Variants in MEAF6 observed in about 807,000 individuals in gnomAD.
MEAF6 encodes the protein MYST/Esa1 associated factor 6.
In MEAF6, 15 loss-of-function variants were observed where a neutral mutation model predicts 28.9. The ratio of observed to expected loss-of-function variants is 0.52; its 90% CI spans 0.35 to 0.80. The LOEUF (loss-of-function observed/expected upper bound fraction) is 0.80. MEAF6 is among the 30% of genes least tolerant of loss of function. MEAF6 has a pLI of 0.01. For missense variants in MEAF6, 178 were observed against 237.5 expected, an observed-to-expected ratio of 0.75 and a Z score of 1.65; for synonymous variants, 97 against 88.7, an observed-to-expected ratio of 1.09 and a Z score of -0.53.
intron 4 of MEAF6, among the ~76,000 whole-genome samples, chr1:37,505,704 T>C (rs1642459238): frequency 6.6e-6 from 1 of 152,218 alleles, no homozygotes; most frequent in South Asian, 2.1e-4. Context: ...TACACAAAGC[T>C]GCAGTAATCA....
intron 5 of MEAF6, among the ~76,000 whole-genome samples, chr1:37,496,967 T>C (rs1642145718): frequency 6.6e-6 from 1 of 152,194 alleles, no homozygotes. Flanking sequence ...GTTATTTCAT[T>C]AGAAAACTCA....
intron 4 of MEAF6, among the ~76,000 whole-genome samples, chr1:37,506,159 T>C (rs1642475392): frequency 6.6e-6 from 1 of 152,002 alleles, no homozygotes; most frequent in Non-Finnish European, 1.5e-5. Flanking sequence ...TCGTCCCAGC[T>C]ACTCGAGAGG....
chr1:37,504,536 C>T (rs1302387365), intron 4 of MEAF6, among the ~76,000 whole-genome samples: 2 of 151,944 alleles, frequency 1.3e-5, no homozygotes, highest in South Asian at 4.2e-4. Context: ...TCTGGAAAGC[C>T]GACACAAGTG....
At chr1:37,495,704 C>CAAAAAAAAAAAAAAAAAAAAAAAA (rs1217893546) in intron 6 of MEAF6, among the ~76,000 whole-genome samples, 181 bp downstream of exon 6, 1 of 64,494 alleles carries the variant, frequency 1.6e-5, no homozygotes, top group Non-Finnish European at 3.3e-5. Context: ...AAACAAAAAA[C>CAAAAAAAAAAAAAAAAAAAAAAAA]AAAAAAAAAA....
Position 37,509,550 on chromosome 1 carries a change from A to T in MEAF6, c.207-8T>A, listed in dbSNP as rs779920952. The T allele has an allele frequency of 6.2e-7, 1 of 1,611,208 alleles. No homozygotes were observed. The highest frequency in any genetic ancestry group is 8.5e-7 in the Non-Finnish European group (1 of 1,177,976). ...TTTTTGCTATTGGAGTTTCTAAAAC[A>T]CAGAAGAAACTCATTATGAGCACCA... On this transcript the variant is annotated splice_region_variant and splice_polypyrimidine_tract_variant and intron_variant, in intron 2 of 6. Transcript: ENST00000296214.
In MEAF6 at chr1:37,514,714, C is replaced by T. The variant is rs1256879288; in HGVS notation, c.33G>A (p.Gln11=). 2.0e-6 allele frequency: 3 copies of T among 1,536,242 alleles called. No individual in the cohort carries two copies. Among genetic ancestry groups the T allele is most frequent in the South Asian group, 2.4e-5 (2 of 85,090 alleles). MAMHNKAAPP[Q]IPDTRRELAE... The stretch of plus-strand genomic sequence containing the variant: ...CCAGCTCCCGCCGGGTGTCCGGGAT[C>T]TGCGGCGGCGCCGCCTTGTTGTGCA... The change falls in exon 1 of 7, where the codon CAG becomes CAA. Residue 11 remains glutamine, a synonymous_variant. Coordinates refer to ENST00000296214, the MANE Select transcript of MEAF6 (RefSeq NM_001270875.3).
At chr1:37,496,733 C>T (rs763655859) in intron 5 of MEAF6, 52 of 1,599,650 alleles carry the variant, frequency 3.3e-5, no homozygotes, top group Middle Eastern at 1.7e-4. Context: ...ACATGCCAGA[C>T]GGGCTGAGGG....
intron 6 of MEAF6, 49 bp downstream of exon 6, chr1:37,495,836 T>C: frequency 6.3e-7 from 1 of 1,596,582 alleles, no homozygotes; most frequent in Non-Finnish European, 8.6e-7. Context: ...ATTTTTCTAA[T>C]CATCTACAAA....
rs1642007950 is a variant in MEAF6 at position 37,493,547 on chromosome 1, A to G, written c.*552T>C. The G allele has an allele frequency of 5.6e-6, 3 of 531,476 alleles. No individual in the cohort carries two copies. Among genetic ancestry groups the G allele is most frequent in the Non-Finnish European group, 1.0e-5 (3 of 301,128 alleles). 32.9% of individuals were successfully genotyped at this position (531,476 alleles called of 1,614,324 possible). A position where few individuals can be genotyped will look rare whatever the true frequency, so the allele number is the denominator to read the frequency against. Reference sequence around the variant, plus strand: ...TTATTTTCAGTTATGAATATTGGCAACTGCATGAAAGAGATGATCAGATAT... The same window carrying G: ...TTATTTTCAGTTATGAATATTGGCAGCTGCATGAAAGAGATGATCAGATAT... On this transcript the variant is annotated 3_prime_UTR_variant, in exon 7 of 7. Coordinates refer to ENST00000296214, the MANE Select transcript of MEAF6 (RefSeq NM_001270875.3).
chr1:37,500,749 G>GT (rs1393928298), intron 5 of MEAF6, among the ~76,000 whole-genome samples: 2 of 152,174 alleles, frequency 1.3e-5, no homozygotes, highest in Admixed American at 6.5e-5. Flanking sequence ...AAGCTAACAA[G>GT]TTTAATACCT....
chr1:37,506,528 C>G (rs926784540), intron 4 of MEAF6, among the ~76,000 whole-genome samples: 67 of 152,012 alleles, frequency 4.4e-4, no homozygotes, highest in African/African-American at 1.5e-3. Flanking sequence ...TGTGCCACCA[C>G]GTCCAGCTAC....
rs1290789977 is a variant in MEAF6, at chr1:37,490,932, C to T, written c.*3167G>A. 2.0e-5 allele frequency among the ~76,000 whole-genome samples: 3 copies of T among 152,044 alleles called. No individual in the cohort carries two copies. The highest frequency in any genetic ancestry group is 1.9e-4 in the East Asian group (1 of 5,184). ...GTCTCAGCTACTCGAGAGGCTGAGGCGGAATAATTGCTTGAACCCTGGAGG... is the reference window on the plus strand; with the variant it reads ...GTCTCAGCTACTCGAGAGGCTGAGGTGGAATAATTGCTTGAACCCTGGAGG... On this transcript the variant is annotated 3_prime_UTR_variant, in exon 7 of 7. Coordinates refer to ENST00000296214, the MANE Select transcript of MEAF6 (RefSeq NM_001270875.3).
rs547717923 is a variant in MEAF6 at position 37,491,976 on chromosome 1, C to T, written c.*2123G>A. Among the ~76,000 whole-genome samples the T allele has an allele frequency of 2.3e-4, 34 of 146,930 alleles. No individual in the cohort carries two copies. The highest frequency in any genetic ancestry group is 2.0e-4 in the East Asian group (1 of 5,016). On this transcript the variant is annotated 3_prime_UTR_variant, in exon 7 of 7. Coordinates refer to ENST00000296214, the MANE Select transcript of MEAF6 (RefSeq NM_001270875.3). ...CGCCCAGGCTGCTGGAGTGCAGTGG[C>T]GCAACAGAGCAGTACTATTCCATCT...
At chr1:37,513,181 G>A (rs1398738002) in intron 2 of MEAF6, among the ~76,000 whole-genome samples, 6 of 152,178 alleles carry the variant, frequency 3.9e-5, no homozygotes, top group African/African-American at 1.4e-4. Flanking sequence ...ATTGTATAAA[G>A]ATACTGTATT....
Position 37,503,223 on chromosome 1 carries a change from C to T in MEAF6, c.341-1227G>A, listed in dbSNP as rs1025301977. ...AACTGCTGAGATTACAGGCATGAGCCACGCATTCTGCTAAGAATACTTTTA... is the reference window on the plus strand; with the variant it reads ...AACTGCTGAGATTACAGGCATGAGCTACGCATTCTGCTAAGAATACTTTTA... On this transcript the variant is annotated intron_variant, in intron 4 of 6. Transcript: ENST00000296214. Among the ~76,000 whole-genome samples the T allele has an allele frequency of 3.3e-5, 5 of 152,332 alleles. No individual in the cohort carries two copies. In the South Asian group the frequency reaches 6.2e-4, roughly 19 times the overall value.
intron 4 of MEAF6, among the ~76,000 whole-genome samples, chr1:37,506,926 T>C (rs1642503149): frequency 6.6e-6 from 1 of 152,238 alleles, no homozygotes; most frequent in South Asian, 2.1e-4. Flanking sequence ...AGTCTTTCCC[T>C]GACAAGTACC....
chr1:37,492,254 T>C lies in MEAF6; in HGVS notation c.*1845A>G, dbSNP rs1452429645. On this transcript the variant is annotated 3_prime_UTR_variant, in exon 7 of 7. Coordinates refer to ENST00000296214, the MANE Select transcript of MEAF6 (RefSeq NM_001270875.3). ...TGTGTTCGCCAGGATGGTCTCGATCTCCTGACCTCGTGATCCGCCCGCTTC... is the reference window on the plus strand; with the variant it reads ...TGTGTTCGCCAGGATGGTCTCGATCCCCTGACCTCGTGATCCGCCCGCTTC... Among the ~76,000 whole-genome samples the C allele has an allele frequency of 1.3e-5, 2 of 152,032 alleles. No individual in the cohort carries two copies. Among genetic ancestry groups the C allele is most frequent in the African/African-American group, 4.8e-5 (2 of 41,374 alleles).
chr1:37,514,703 G>C lies in MEAF6; in HGVS notation c.44C>G (p.Thr15Ser). 1 of 1,543,272 alleles carries C rather than the reference G, an allele frequency of 6.5e-7. No homozygotes were observed. Residue 15 changes from threonine (T) to serine (S), a missense_variant, in exon 1 of 7, where the codon ACC (threonine) becomes AGC (serine). Around this residue, in one of 2 missense-constraint regions of MEAF6, gnomAD observed 54 missense variants for 37.0 expected, o/e 1.46. Transcript: ENST00000296214. ...CACGAGCTCCGCCAGCTCCCGCCGG[G>C]TGTCCGGGATCTGCGGCGGCGCCGC... ...NKAAPPQIPD[T>S]RRELAELVKR...
intron 4 of MEAF6, among the ~76,000 whole-genome samples, chr1:37,503,238 G>T (rs1178805355): frequency 3.9e-5 from 6 of 152,162 alleles, no homozygotes; most frequent in Admixed American, 6.5e-5. Flanking sequence ...ATTCTGCTAA[G>T]AATACTTTTA....
Sources: gnomAD v4.1 joint callset for allele counts (sites outside exome capture counted in the v4.1 genomes callset) on GRCh38, gnomAD v4.1.1 for gene constraint, gnomAD v4.1.1 regional missense constraint, MANE v1.5 for transcripts, NCBI Gene and HGNC (gene_info 2026-07-23, HGNC 2026-07-21) for gene names.